Variants in TBC1D8 observed in about 807,000 individuals in gnomAD.
TBC1D8 encodes the protein BUB2-like protein 1.
Under a neutral mutation model 118.8 loss-of-function variants are expected in TBC1D8, and 65 were observed. That is an observed-to-expected ratio of 0.55 (90% CI 0.45 to 0.67). The LOEUF is 0.67. Ranked by LOEUF, TBC1D8 falls within the 30% of genes least tolerant of loss-of-function variation. The pLI is 0.00. For synonymous variants in TBC1D8, 566 were observed against 595.8 expected (o/e 0.95, Z 0.73); for missense variants, 1,376 against 1,471.2 (o/e 0.94, Z 1.06).
chr2:101,021,617 T>C, intron 17 of TBC1D8, 64 bp downstream of exon 17: 11 of 1,110,144 alleles, frequency 9.9e-6, no homozygotes, highest in Non-Finnish European at 1.5e-5. Flanking sequence ...TTCAGAGTCA[T>C]GCACAAAGCT....
At chr2:101,142,720 G>A (rs4851407) in intron 1 of TBC1D8, among the ~76,000 whole-genome samples, 100,943 of 151,996 alleles carry the variant, frequency 0.66, 33,863 homozygotes, top group East Asian at 0.78. Flanking sequence ...ACACAAAACT[G>A]AACTATGTAT....
chr2:101,012,643 T>C (rs999357130), intron 17 of TBC1D8, among the ~76,000 whole-genome samples: 3 of 151,892 alleles, frequency 2.0e-5, no homozygotes, highest in African/African-American at 4.8e-5. Context: ...AAAAAACCCA[T>C]TGAATTGTAC....
At chr2:101,034,890 A>G (rs935962873) in intron 9 of TBC1D8, among the ~76,000 whole-genome samples, 11 of 152,194 alleles carry the variant, frequency 7.2e-5, no homozygotes, top group African/African-American at 2.4e-4. Context: ...AGAAGCCAGG[A>G]GGCAGGAAGG....
At chr2:101,073,586 C>T (rs745524083) in intron 2 of TBC1D8, among the ~76,000 whole-genome samples, 2 of 152,198 alleles carry the variant, frequency 1.3e-5, no homozygotes, top group Non-Finnish European at 2.9e-5. Context: ...TGAGCCACCA[C>T]ACCCGGCCAT....
At chr2:101,142,911 G>A (rs1235669058) in intron 1 of TBC1D8, among the ~76,000 whole-genome samples, 1 of 152,070 alleles carries the variant, frequency 6.6e-6, no homozygotes, top group Non-Finnish European at 1.5e-5. Flanking sequence ...TAGATATATA[G>A]TGTTTGCTCC....
chr2:101,056,211 T>TA (rs1558660561), intron 3 of TBC1D8, among the ~76,000 whole-genome samples: 7 of 60,228 alleles, frequency 1.2e-4, no homozygotes, highest in Admixed American at 2.2e-4. Flanking sequence ...ATTATTATTT[T>TA]TTTTTTTTTT....
intron 1 of TBC1D8, among the ~76,000 whole-genome samples, chr2:101,105,513 C>T (rs1558707086): frequency 6.6e-6 from 1 of 150,616 alleles, no homozygotes; most frequent in Non-Finnish European, 1.5e-5. Context: ...CACTTGAACC[C>T]GGGAGGCAGA....
Position 101,040,161 on chromosome 2 carries a change from C to T in TBC1D8, c.1080+17G>A. 2 of 1,611,618 alleles carry T rather than the reference C, an allele frequency of 1.2e-6. No homozygotes were observed. Among genetic ancestry groups the T allele is most frequent in the Non-Finnish European group, 8.5e-7 (1 of 1,178,398 alleles). Reference sequence around the variant, plus strand: ...ACAAAAGGCTGCTTCGGGAAGCAGACAGTAGGGCCAGTCTACCTCTCTGAG... The same window carrying T: ...ACAAAAGGCTGCTTCGGGAAGCAGATAGTAGGGCCAGTCTACCTCTCTGAG... On this transcript the variant is annotated intron_variant, in intron 6 of 19. Transcript: ENST00000409318.
chr2:101,049,025 C>T (rs1303978763), intron 5 of TBC1D8, among the ~76,000 whole-genome samples: 4 of 152,146 alleles, frequency 2.6e-5, no homozygotes, highest in Admixed American at 2.0e-4. Context: ...ACTCAGATTG[C>T]TTCTACCTTT....
rs1442528860 is a variant in TBC1D8 at position 101,064,655 on chromosome 2, T to A, written c.284-5116A>T. On this transcript the variant is annotated intron_variant, in intron 2 of 19. Transcript: ENST00000409318. ...CATAAGAAGTCAAAAGTCAGAGTTATAAATGCCTCTGCAAAACTAAAATTC... is the reference window on the plus strand; with the variant it reads ...CATAAGAAGTCAAAAGTCAGAGTTAAAAATGCCTCTGCAAAACTAAAATTC... Among the ~76,000 whole-genome samples the A allele has an allele frequency of 3.9e-5, 6 of 152,208 alleles. No individual in the cohort carries two copies. In the South Asian group the frequency reaches 1.2e-3, roughly 31 times the overall value.
chr2:101,128,147 G>T (rs1431675896), intron 1 of TBC1D8, among the ~76,000 whole-genome samples: 1 of 152,150 alleles, frequency 6.6e-6, no homozygotes, highest in East Asian at 1.9e-4. Flanking sequence ...CTTAGGTATA[G>T]ATGTAACTGA....
intron 3 of TBC1D8, among the ~76,000 whole-genome samples, chr2:101,054,630 C>A (rs35060888): frequency 4.3e-5 from 6 of 140,362 alleles, no homozygotes; most frequent in South Asian, 2.4e-4. Context: ...CATTTGACTT[C>A]TAAGCCCGGT....
chr2:101,149,236 G>C (rs1355440661), intron 1 of TBC1D8, among the ~76,000 whole-genome samples: 1 of 152,164 alleles, frequency 6.6e-6, no homozygotes, highest in Non-Finnish European at 1.5e-5. Flanking sequence ...CAGAGCCACA[G>C]GTATAATAAT....
At chr2:101,121,975 A>G (rs764984992) in intron 1 of TBC1D8, among the ~76,000 whole-genome samples, 4 of 151,924 alleles carry the variant, frequency 2.6e-5, no homozygotes, top group Non-Finnish European at 5.9e-5. Flanking sequence ...CTGGGGCAAG[A>G]GAACTGCTTG....
intron 17 of TBC1D8, among the ~76,000 whole-genome samples, chr2:101,016,310 GAC>G (rs1326377577): frequency 1.3e-5 from 2 of 151,832 alleles, no homozygotes; most frequent in East Asian, 1.9e-4. Context: ...GCAGCCAAAA[GAC>G]ACATGAAAAA....
At chr2:101,114,079 A>G (rs1434947382) in intron 1 of TBC1D8, among the ~76,000 whole-genome samples, 3 of 152,244 alleles carry the variant, frequency 2.0e-5, no homozygotes, top group Non-Finnish European at 4.4e-5. Flanking sequence ...CAGTGAGGCC[A>G]CAGTGGGTTC....
intron 1 of TBC1D8, among the ~76,000 whole-genome samples, chr2:101,111,758 C>A (rs1677601368): frequency 1.3e-5 from 2 of 152,098 alleles, no homozygotes; most frequent in Non-Finnish European, 2.9e-5. Flanking sequence ...CCTGAAAATT[C>A]TTTATTGGGT....
Position 101,132,358 on chromosome 2 carries a change from T to A in TBC1D8, c.127+18769A>T, listed in dbSNP as rs555201718. Among the ~76,000 whole-genome samples the A allele has an allele frequency of 1.1e-3, 175 of 152,316 alleles. 1 individual carries two copies. Among genetic ancestry groups the A allele is most frequent in the African/African-American group, 4.1e-3 (169 of 41,562 alleles). ...TCAACTCCAGTGAATTTTACACGTGTATATCTGTATCTACCCTTCATATCC... is the reference window on the plus strand; with the variant it reads ...TCAACTCCAGTGAATTTTACACGTGAATATCTGTATCTACCCTTCATATCC... On this transcript the variant is annotated intron_variant, in intron 1 of 19. Transcript: ENST00000409318.
chr2:101,049,976 G>A (rs1410882984), intron 5 of TBC1D8, among the ~76,000 whole-genome samples: 1 of 151,706 alleles, frequency 6.6e-6, no homozygotes, highest in Non-Finnish European at 1.5e-5. Context: ...ACAGGCGCCT[G>A]CCACCACACC....
Sources: allele counts gnomAD v4.1 joint callset (sites outside exome capture counted in the v4.1 genomes callset), GRCh38; gene constraint gnomAD v4.1.1; transcripts MANE v1.5; gene names NCBI Gene and HGNC (gene_info 2026-07-23, HGNC 2026-07-21).